The following C2 variants were observed in gnomAD, a reference collection of about 807,000 sequenced individuals.
C2 encodes the protein C3/C5 convertase.
In C2, 64 loss-of-function variants were observed where a neutral mutation model predicts 85.2. The observed-to-expected ratio is 0.75, with a 90% CI of 0.61 to 0.92. The LOEUF (loss-of-function observed/expected upper bound fraction) is 0.92. Among genes scored for constraint, C2 ranks in the 40% least tolerant of loss-of-function variants. C2 has a pLI of 0.00. For synonymous variants in C2, 311 were observed against 370.8 expected, an observed-to-expected ratio of 0.84 and a Z score of 1.85; for missense variants, 820 against 971.6, an observed-to-expected ratio of 0.84 and a Z score of 2.07.
In C2 at chr6:31,944,444, C is replaced by T. The variant is rs549709427; in HGVS notation, c.1902+218C>T. Among the ~76,000 whole-genome samples the T allele has an allele frequency of 6.6e-6, 1 of 152,278 alleles. No homozygotes were observed. Reference sequence around the variant, plus strand: ...TCTCCCAGGCTGGAGTGCAGTGGCACGACCTCAGCTCACTGCAACTTCTGC... The same window carrying T: ...TCTCCCAGGCTGGAGTGCAGTGGCATGACCTCAGCTCACTGCAACTTCTGC... On this transcript the variant is annotated intron_variant, in intron 15 of 17. Transcript: ENST00000299367. The surrounding 1 kb of genome is among the most constrained non-coding windows in gnomAD (Gnocchi z 5.1).
chr6:31,909,872 GT>G (rs545795093), intron 1 of C2, among the ~76,000 whole-genome samples: 1 of 149,642 alleles, frequency 6.7e-6, no homozygotes, highest in African/African-American at 2.5e-5. Context: ...GTTATTTTCT[GT>G]TTTTTTTTGT....
At chr6:31,906,766 A>G (rs943602239) in intron 1 of C2, among the ~76,000 whole-genome samples, 1 of 151,886 alleles carries the variant, frequency 6.6e-6, no homozygotes, top group Non-Finnish European at 1.5e-5. Context: ...CAAGTTTAAA[A>G]AAAAAATTGT....
At position 31,928,109 on chromosome 6, in the gene C2, C is replaced by T. The variant is rs757110747; in HGVS notation, c.201C>T (p.Ser67=). The T allele has an allele frequency of 1.5e-5, 25 of 1,613,626 alleles. No homozygotes were observed. The highest frequency in any genetic ancestry group is 1.1e-4 in the South Asian group (10 of 91,068). The change falls in exon 2 of 18, where the codon AGC becomes AGT. Residue 67 remains serine, a synonymous_variant. Transcript: ENST00000299367. ...CAGCATCACGGCTGTGCAAGAGCAG[C>T]GGACAGTGGCAGACCCCAGGAGCCA... is the stretch of plus-strand genomic sequence containing the variant. The part of the protein sequence containing the change: ...PSPASRLCKS[S]GQWQTPGATR...
intron 3 of C2, among the ~76,000 whole-genome samples, chr6:31,931,282 AATTG>A (rs1769719657): frequency 8.5e-6 from 1 of 117,382 alleles, no homozygotes; most frequent in Non-Finnish European, 1.8e-5. Flanking sequence ...TTTTTTTTTT[AATTG>A]ATCATTCTTG....
chr6:31,943,257 G>A lies in C2; in HGVS notation c.1393G>A (p.Val465Met), dbSNP rs747131588. The stretch of plus-strand genomic sequence containing the variant: ...CAAGCTCACAGACACCATCTGCGGG[G>A]TGGGGAACATGTCAGCAAACGCCTC... ...VSKLTDTICGVGNMSANASDQ... is the reference protein window; with the variant it reads ...VSKLTDTICGMGNMSANASDQ... Residue 465 changes from valine to methionine, a missense_variant, in exon 11 of 18, where the codon GTG (valine) becomes ATG (methionine). Physicochemically the swap from Val to Met is conservative, Grantham distance 21. Transcript: ENST00000299367. The surrounding 1 kb of genome is among the most constrained non-coding windows in gnomAD (Gnocchi z 6.4). The A allele has an allele frequency of 1.2e-6, 2 of 1,613,068 alleles. No individual in the cohort carries two copies. The highest frequency in any genetic ancestry group is 1.1e-5 in the South Asian group (1 of 91,088).
At chr6:31,918,494 C>G (rs1432802392), upstream of C2, among the ~76,000 whole-genome samples, 2 of 151,818 alleles carry the variant, frequency 1.3e-5, no homozygotes, top group Non-Finnish European at 2.9e-5. Flanking sequence ...TCTTGGAAGG[C>G]TGAGGTGGGA....
upstream of C2, among the ~76,000 whole-genome samples, chr6:31,926,497 T>C (rs1158970801): frequency 6.6e-6 from 1 of 151,862 alleles, no homozygotes; most frequent in Non-Finnish European, 1.5e-5. Flanking sequence ...CACACCCGGC[T>C]AATTTTTTGT....
chr6:31,897,784 C>A, upstream of C2: 1 of 970,484 alleles, frequency 1.0e-6, no homozygotes, highest in Non-Finnish European at 1.3e-6. Context: ...TGCTTTTTGG[C>A]CATTTTCCCC....
At chr6:31,932,678 GC>G (rs1769992914) in intron 3 of C2, among the ~76,000 whole-genome samples, 1 of 151,548 alleles carries the variant, frequency 6.6e-6, no homozygotes, top group Admixed American at 6.6e-5. Context: ...ACGATGGGTG[GC>G]CAGGCGGAGA....
chr6:31,934,427 A>C (rs760587175), intron 6 of C2, 128 bp downstream of exon 6: 24 of 1,326,854 alleles, frequency 1.8e-5, no homozygotes, highest in Non-Finnish European at 2.6e-5. Context: ...GATTATACTC[A>C]TGCCATGTAG....
rs1770295473 is a variant in C2 at position 31,935,063 on chromosome 6, G to A, written c.849+764G>A. 3 of 966,866 alleles carry A rather than the reference G, an allele frequency of 3.1e-6. No homozygotes were observed. Among genetic ancestry groups the A allele is most frequent in the Non-Finnish European group, 3.7e-6 (3 of 813,084 alleles). 59.9% of individuals were successfully genotyped at this position (966,866 alleles called of 1,614,324 possible). A position where few individuals can be genotyped will look rare whatever the true frequency, so the allele number is the denominator to read the frequency against. On this transcript the variant is annotated intron_variant, in intron 6 of 17. Transcript: ENST00000299367. This position sits in a 1 kb window ranked among gnomAD's most constrained non-coding sequence, Gnocchi z 4.3. ...AATAAAATATGTGTGATAGAAGTTT[G>A]GAAGCCACTGGTTTAAGTTCCTCGC... is the stretch of plus-strand genomic sequence containing the variant.
chr6:31,913,513 T>A (rs985548767), intron 1 of C2, among the ~76,000 whole-genome samples: 1 of 151,982 alleles, frequency 6.6e-6, no homozygotes, highest in Admixed American at 6.6e-5. Flanking sequence ...AAGGCAGAGG[T>A]TACAGTGAGC....
chr6:31,933,767 G>A lies in C2; in HGVS notation c.600G>A (p.Thr200=), dbSNP rs1467528955. 9 of 1,613,706 alleles carry A rather than the reference G, an allele frequency of 5.6e-6. No homozygotes were observed. The highest frequency in any genetic ancestry group is 2.7e-5 in the African/African-American group (2 of 74,948). The change falls in exon 4 of 18, where the codon ACG becomes ACA. Residue 200 remains threonine, a synonymous_variant. Transcript: ENST00000299367. Reference sequence around the variant, plus strand: ...AGGGCAACGGGGTCTGGAGTGGAACGGAGCCCATCTGCCGCCGTGAGTAGC... The same window carrying A: ...AGGGCAACGGGGTCTGGAGTGGAACAGAGCCCATCTGCCGCCGTGAGTAGC... ...ECQGNGVWSG[T]EPICRQPYSY... is the part of the protein sequence containing the mutation.
rs11752672 is a variant in C2, at chr6:31,929,097, G to C, written c.442+180G>C. Among the ~76,000 whole-genome samples, 703 of 152,324 alleles carry C rather than the reference G, an allele frequency of 4.6e-3. 4 individuals are homozygous for C. The highest frequency in any genetic ancestry group is 0.02 in the Middle Eastern group (6 of 294). On this transcript the variant is annotated intron_variant, in intron 3 of 17. Transcript: ENST00000299367. ...GGTCACACATCACAAGTCTGCAAGG[G>C]CCAGGCCCCAGGCAGCTGGTGCTAA...
At chr6:31,906,984 A>G (rs1406500002) in intron 1 of C2, among the ~76,000 whole-genome samples, 2 of 151,428 alleles carry the variant, frequency 1.3e-5, no homozygotes, top group Admixed American at 6.6e-5. Context: ...TGAAAATGCA[A>G]AAAAAATTAG....
rs1767561913 is a variant in C2 at position 31,904,131 on chromosome 6, G to A, written c.73+2992G>A. Among the ~76,000 whole-genome samples the A allele has an allele frequency of 1.3e-5, 2 of 151,786 alleles. No individual in the cohort carries two copies. Among genetic ancestry groups the A allele is most frequent in the African/African-American group, 2.4e-5 (1 of 41,314 alleles). On this transcript the variant is annotated intron_variant, in intron 1 of 3. Transcript: ENST00000452202. The surrounding 1 kb of genome is among the most constrained non-coding windows in gnomAD (Gnocchi z 4.4). ...CAGTGTCCTTATCTTTGTCTCCCCC[G>A]CCCATCCTTAGCTCATCTGAAAGCA...
At position 31,937,302 on chromosome 6, in the gene C2, C is replaced by T. The variant is rs1291314773; in HGVS notation, c.989-17C>T. 3 of 1,612,678 alleles carry T rather than the reference C, an allele frequency of 1.9e-6. No individual in the cohort carries two copies. Among genetic ancestry groups the T allele is most frequent in the Non-Finnish European group, 1.7e-6 (2 of 1,179,850 alleles). On this transcript the variant is annotated splice_polypyrimidine_tract_variant and intron_variant, in intron 7 of 17. Coordinates refer to ENST00000299367, the MANE Select transcript of C2 (RefSeq NM_000063.6). The stretch of plus-strand genomic sequence containing the variant: ...TGGGAAGTTTCTAAGAGAGTCCTTC[C>T]TTTTGGCATATTCCAGATCATGAAA...
chr6:31,940,316 T>C (rs1425975964), intron 9 of C2, among the ~76,000 whole-genome samples: 1 of 152,186 alleles, frequency 6.6e-6, no homozygotes, highest in African/African-American at 2.4e-5. Flanking sequence ...ATCATCATCA[T>C]CATCATCATA....
At chr6:31,913,979 C>T (rs905609754) in intron 1 of C2, among the ~76,000 whole-genome samples, 10 of 150,416 alleles carry the variant, frequency 6.6e-5, no homozygotes, top group East Asian at 2.0e-4. Flanking sequence ...CACCCAGGCG[C>T]GATCTTGGCT....
Sources: gnomAD v4.1 joint callset for allele counts (sites outside exome capture counted in the v4.1 genomes callset) on GRCh38, gnomAD v4.1.1 for gene constraint, Gnocchi (gnomAD v3.1) non-coding constraint, MANE v1.5 for transcripts, NCBI Gene and HGNC (gene_info 2026-07-23, HGNC 2026-07-21) for gene names.